ZFHX3: variants seen among roughly 807,000 people sequenced by gnomAD.
ZFHX3 encodes the protein zinc finger homeobox 3.
ZFHX3 carries 42 observed loss-of-function variants against 279.1 expected under a neutral mutation model. That is an observed-to-expected ratio of 0.15 (90% CI 0.12 to 0.19). ZFHX3 has a LOEUF of 0.19. ZFHX3 is among the 10% of genes least tolerant of loss of function. The pLI is 1.00. For missense variants in ZFHX3, 4,981 were observed against 4,754.0 expected (o/e 1.05, Z -1.40); for synonymous variants, 2,293 against 1,957.8 (o/e 1.17, Z -4.52).
At chr16:73,860,401 T>A (rs998486388) in intron 1 of ZFHX3, among the ~76,000 whole-genome samples, 13 of 151,962 alleles carry the variant, frequency 8.6e-5, no homozygotes, top group Non-Finnish European at 1.9e-4. Context: ...TTTTTTTTTT[T>A]TTGGCAATTT....
intron 2 of ZFHX3, among the ~76,000 whole-genome samples, chr16:73,495,210 G>A (rs1336708009): frequency 2.0e-5 from 3 of 152,146 alleles, no homozygotes; most frequent in Admixed American, 1.3e-4. Context: ...ATAACCTGAT[G>A]TTTCAGTCAG....
intron 5 of ZFHX3, among the ~76,000 whole-genome samples, chr16:73,230,587 C>G (rs939126972): frequency 1.3e-5 from 2 of 152,158 alleles, no homozygotes; most frequent in East Asian, 3.9e-4. Context: ...TGGTGATACA[C>G]AAAAGTCATC....
chr16:73,664,246 A>G (rs1365038039), intron 2 of ZFHX3, among the ~76,000 whole-genome samples: 1 of 152,184 alleles, frequency 6.6e-6, no homozygotes, highest in Non-Finnish European at 1.5e-5. Flanking sequence ...CTTGTTTTCT[A>G]GAGGGAAATC....
intron 2 of ZFHX3, among the ~76,000 whole-genome samples, chr16:73,538,753 C>T (rs2019954355): frequency 6.6e-6 from 1 of 152,156 alleles, no homozygotes; most frequent in Non-Finnish European, 1.5e-5. Flanking sequence ...CATATGGAAG[C>T]CGTCAGAAAA....
At chr16:73,181,713 G>A (rs901633279) in intron 5 of ZFHX3, among the ~76,000 whole-genome samples, 1 of 152,174 alleles carries the variant, frequency 6.6e-6, no homozygotes, top group Non-Finnish European at 1.5e-5. Flanking sequence ...GGAGGTGGGA[G>A]ATGATCATCT....
At chr16:73,697,946 C>A (rs938420979) in intron 1 of ZFHX3, among the ~76,000 whole-genome samples, 4 of 152,046 alleles carry the variant, frequency 2.6e-5, no homozygotes, top group African/African-American at 9.7e-5. Flanking sequence ...TCTACAAAAT[C>A]ATTTATCCAA....
chr16:73,317,176 G>A (rs1215062817), intron 4 of ZFHX3, among the ~76,000 whole-genome samples: 1 of 151,118 alleles, frequency 6.6e-6, no homozygotes, highest in Non-Finnish European at 1.5e-5. Flanking sequence ...CCATGATACT[G>A]ATGGGCAGGT....
intron 3 of ZFHX3, among the ~76,000 whole-genome samples, chr16:72,919,068 T>G (rs1438224750): frequency 1.3e-5 from 2 of 152,068 alleles, no homozygotes; most frequent in African/African-American, 4.8e-5. Flanking sequence ...TAGATGTGCC[T>G]GGAGGTTGTT....
At chr16:73,625,310 T>C (rs115264521) in intron 2 of ZFHX3, among the ~76,000 whole-genome samples, 2,125 of 152,336 alleles carry the variant, frequency 0.014, 56 homozygotes, top group African/African-American at 0.048. Context: ...ACTTCACCAA[T>C]GGGAAGGCAC....
intron 7 of ZFHX3, chr16:73,094,608 T>C (rs1248301345): frequency 6.6e-6 from 1 of 152,064 alleles, no homozygotes; most frequent in African/African-American, 2.4e-5. Flanking sequence ...CAAACACATG[T>C]AGAACCAGAT....
At chr16:73,883,531 G>A (rs1292126224) in intron 1 of ZFHX3, among the ~76,000 whole-genome samples, 1 of 151,808 alleles carries the variant, frequency 6.6e-6, no homozygotes, top group Non-Finnish European at 1.5e-5. Context: ...AATGACATGT[G>A]CACACATTCT....
chr16:73,526,440 G>T (rs2019697019), intron 2 of ZFHX3, among the ~76,000 whole-genome samples: 1 of 152,080 alleles, frequency 6.6e-6, no homozygotes, highest in Admixed American at 6.6e-5. Context: ...CCCCACAAAA[G>T]ATAACACCCT....
chr16:72,810,829 T>C lies in ZFHX3; in HGVS notation c.3864+748A>G, dbSNP rs138834124. On this transcript the variant is annotated intron_variant, in intron 7 of 9. Transcript: ENST00000268489. ...AATGGCATCAAGTCAGTTAACATCT[T>C]TGAGCCTCAGTTTCCTTATCTGCTG... Among the ~76,000 whole-genome samples the C allele has an allele frequency of 4.0e-3, 603 of 152,314 alleles. 3 individuals are homozygous for C. The highest frequency in any genetic ancestry group is 7.5e-3 in the South Asian group (36 of 4,828).
chr16:73,163,107 G>T (rs564456234), intron 5 of ZFHX3, among the ~76,000 whole-genome samples: 2 of 152,114 alleles, frequency 1.3e-5, no homozygotes, highest in Non-Finnish European at 2.9e-5. Flanking sequence ...TCATTCAGTC[G>T]GGACAACACA....
At chr16:73,058,672 C>CGGCGGCGGCGGAGGACGCGCTGCT in exon 1 of ZFHX3, 1 of 222,530 alleles carries the variant, frequency 4.5e-6, no homozygotes, top group South Asian at 1.7e-4. Flanking sequence ...TGGCGGGGGT[C>CGGCGGCGGCGGAGGACGCGCTGCT]GGCGGCGGCG....
chr16:73,462,583 T>C (rs2018491698), intron 2 of ZFHX3, among the ~76,000 whole-genome samples: 1 of 152,194 alleles, frequency 6.6e-6, no homozygotes, highest in African/African-American at 2.4e-5. Context: ...TTGATGAAGT[T>C]ACTATTTCTT....
chr16:72,853,767 A>AT (rs941526956), intron 4 of ZFHX3, among the ~76,000 whole-genome samples: 2 of 150,490 alleles, frequency 1.3e-5, no homozygotes, highest in Non-Finnish European at 3.0e-5. Flanking sequence ...TGGTCACAGA[A>AT]TTTTTTTTTT....
chr16:73,689,809 TG>T (rs200581325), intron 1 of ZFHX3, among the ~76,000 whole-genome samples: 14 of 150,616 alleles, frequency 9.3e-5, no homozygotes, highest in Admixed American at 9.2e-4. Context: ...TACAGTTTTT[TG>T]TTTTTTGTTT....
At chr16:73,717,176 C>T (rs1475925412) in intron 1 of ZFHX3, among the ~76,000 whole-genome samples, 1 of 152,168 alleles carries the variant, frequency 6.6e-6, no homozygotes, top group African/African-American at 2.4e-5. Flanking sequence ...TGTCACTTCT[C>T]CCCAGGGGGC....
Sources: gnomAD v4.1 joint callset for allele counts (sites outside exome capture counted in the v4.1 genomes callset) on GRCh38, gnomAD v4.1.1 for gene constraint, MANE v1.5 for transcripts, NCBI Gene and HGNC (gene_info 2026-07-23, HGNC 2026-07-21) for gene names.